HIGD1A: variants seen among roughly 807,000 people sequenced by gnomAD.
HIGD1A encodes HIG1 domain family member 1A, mitochondrial.
Under a neutral mutation model 11.3 loss-of-function variants are expected in HIGD1A, and 8 were observed. The ratio of observed to expected loss-of-function variants is 0.71; its 90% CI spans 0.42 to 1.28. The LOEUF (loss-of-function observed/expected upper bound fraction) is 1.28, where lower values mean the gene tolerates loss of function less well. HIGD1A is among the 50% of genes most tolerant of loss of function. HIGD1A has a pLI of 0.01. For synonymous variants in HIGD1A, 32 were observed against 38.4 expected (o/e 0.83, Z 0.62); for missense variants, 107 against 118.8 (o/e 0.90, Z 0.46).
intron 1 of HIGD1A, among the ~76,000 whole-genome samples, chr3:42,801,042 G>C (rs768374493): frequency 3.1e-4 from 47 of 152,054 alleles, no homozygotes; most frequent in Non-Finnish European, 5.1e-4. Flanking sequence ...CTACTGCTGA[G>C]GTCTGGGCTA....
In HIGD1A at chr3:42,786,018, A is replaced by G. The variant is rs897255915; in HGVS notation, c.232+10T>C. 1.7e-5 allele frequency: 28 copies of G among 1,611,748 alleles called. No individual in the cohort carries two copies. The highest frequency in any genetic ancestry group is 2.2e-5 in the Non-Finnish European group (26 of 1,179,822). Reference sequence around the variant, plus strand: ...GAAACGAAAATTTGAAATTTCCTATAGGAACCTACCAACAGTCATTGCTCC... The same window carrying G: ...GAAACGAAAATTTGAAATTTCCTATGGGAACCTACCAACAGTCATTGCTCC... On this transcript the variant is annotated intron_variant, in intron 3 of 3. Transcript: ENST00000321331.
chr3:42,789,789 A>G (rs1700397986), intron 2 of HIGD1A, among the ~76,000 whole-genome samples: 1 of 152,044 alleles, frequency 6.6e-6, no homozygotes, highest in Admixed American at 6.6e-5. Context: ...TGGCATGATC[A>G]TGGTTCACCA....
At chr3:42,787,299 G>GA (rs888827733) in intron 2 of HIGD1A, among the ~76,000 whole-genome samples, 4 of 150,824 alleles carry the variant, frequency 2.7e-5, no homozygotes, top group Non-Finnish European at 5.9e-5. Flanking sequence ...TCATAAGGAG[G>GA]AAAAAAAAAT....
In HIGD1A at chr3:42,802,897, T is replaced by C. The variant is rs536633195; in HGVS notation, c.-23+1539A>G. 3.9e-5 allele frequency among the ~76,000 whole-genome samples: 6 copies of C among 152,362 alleles called. No individual in the cohort carries two copies. The East Asian group carries it at 1.2e-3, about 29-fold the overall frequency. ...AGATTAAATTGGCAGATAAGAATTC[T>C]GATTAGAAAATTTAAGAATCCATTA... On this transcript the variant is annotated intron_variant, in intron 1 of 3. Transcript: ENST00000321331.
At chr3:42,800,636 C>CT (rs140588443) in intron 1 of HIGD1A, among the ~76,000 whole-genome samples, 74,838 of 150,208 alleles carry the variant, frequency 0.5, 19,193 homozygotes, top group Non-Finnish European at 0.54. Flanking sequence ...AGTTACAAAA[C>CT]TTTTTTTTTA....
Position 42,785,293 on chromosome 3 carries a change from A to C in HIGD1A, c.260T>G (p.Phe87Cys), listed in dbSNP as rs1245147812. 1 of 1,611,072 alleles carries C rather than the reference A, an allele frequency of 6.2e-7. No homozygotes were observed. Among genetic ancestry groups the C allele is most frequent in the Non-Finnish European group, 8.5e-7 (1 of 1,179,108 alleles). ...VGMGYSMYREFWAKPKP is the reference protein window; with the variant it reads ...VGMGYSMYRECWAKPKP ...CTTCTAAGGCTTAGGTTTTGCCCAGAATTCCCGATACATGGAATAGCCCAT... is the reference window on the plus strand; with the variant it reads ...CTTCTAAGGCTTAGGTTTTGCCCAGCATTCCCGATACATGGAATAGCCCAT... The change falls in exon 4 of 4, where the codon TTC becomes TGC. Residue 87 changes from phenylalanine (F) to cysteine (C), a missense_variant. Phe to Cys is a radical substitution (Grantham distance 205). Coordinates refer to ENST00000321331, the MANE Select transcript of HIGD1A (RefSeq NM_014056.4).
At chr3:42,792,397 G>A (rs1444519922) in intron 2 of HIGD1A, among the ~76,000 whole-genome samples, 1 of 152,124 alleles carries the variant, frequency 6.6e-6, no homozygotes, top group Non-Finnish European at 1.5e-5. Context: ...GTTTTGGCCG[G>A]GCGCGGTGGC....
rs556985732 is a variant in HIGD1A at position 42,783,825 on chromosome 3, T to C, written c.*1446A>G. 1.5e-4 allele frequency among the ~76,000 whole-genome samples: 23 copies of C among 151,764 alleles called. No individual in the cohort carries two copies. In the East Asian group the frequency reaches 4.3e-3, roughly 29 times the overall value. Reference sequence around the variant, plus strand: ...GCGTGGTGGCTCACGCCTGTAATCCTAGCACTTTGGGAGGCCGAGGCAGGT... The same window carrying C: ...GCGTGGTGGCTCACGCCTGTAATCCCAGCACTTTGGGAGGCCGAGGCAGGT... On this transcript the variant is annotated 3_prime_UTR_variant, in exon 4 of 4. Coordinates refer to ENST00000321331, the MANE Select transcript of HIGD1A (RefSeq NM_014056.4).
In HIGD1A at chr3:42,786,155, C is replaced by T. The variant is rs544533473; in HGVS notation, c.105G>A (p.Ala35=). Residue 35 remains alanine (A), a synonymous_variant, in exon 3 of 4, where the codon GCG becomes GCA. Coordinates refer to ENST00000321331, the MANE Select transcript of HIGD1A (RefSeq NM_014056.4). ...CATATGCAACAATTGCTGCAAAACCCGCTATTCCTGTAAAACAAAGTAACA... is the reference window on the plus strand; with the variant it reads ...CATATGCAACAATTGCTGCAAAACCTGCTATTCCTGTAAAACAAAGTAACA... ...KEAPFVPVGI[A]GFAAIVAYGL... is the part of the protein sequence containing the mutation. 36 of 1,614,022 alleles carry T rather than the reference C, an allele frequency of 2.2e-5. No individual in the cohort carries two copies. The highest frequency in any genetic ancestry group is 1.7e-4 in the African/African-American group (13 of 75,032).
At chr3:42,785,900 T>C (rs1337444382) in intron 3 of HIGD1A, 128 bp downstream of exon 3, 2 of 814,180 alleles carry the variant, frequency 2.5e-6, no homozygotes, top group Non-Finnish European at 4.0e-6. Context: ...ATTCATTTTT[T>C]ACATGAAAAT....
At chr3:42,795,898 A>C (rs1264891735) in intron 1 of HIGD1A, among the ~76,000 whole-genome samples, 1 of 152,230 alleles carries the variant, frequency 6.6e-6, no homozygotes. Flanking sequence ...GAATTGCAAT[A>C]AACTTTACTC....
intron 2 of HIGD1A, among the ~76,000 whole-genome samples, chr3:42,793,002 G>A (rs1305792928): frequency 5.4e-5 from 8 of 148,848 alleles, no homozygotes; most frequent in Non-Finnish European, 7.4e-5. Flanking sequence ...AAAAAAAGTC[G>A]AGTTTCGAAT....
rs35403872 is a variant in HIGD1A at position 42,795,723 on chromosome 3, G to GAA, written c.-22-1450_-22-1449dup. 1.6e-3 allele frequency among the ~76,000 whole-genome samples: 233 copies of GAA among 142,122 alleles called. 2 individuals carry two copies. Among genetic ancestry groups the GAA allele is most frequent in the East Asian group, 9.0e-3 (45 of 5,008 alleles). 93.2% of individuals were successfully genotyped at this position (142,122 alleles called of 152,430 possible). On this transcript the variant is annotated intron_variant, in intron 1 of 3. Coordinates refer to ENST00000321331, the MANE Select transcript of HIGD1A (RefSeq NM_014056.4). Reference sequence around the variant, plus strand: ...TGATAGTGTATGAGTAAGGGGATAGGAAAAAAAAAAAAAGGATTCATTTTC... The same window carrying GAA: ...TGATAGTGTATGAGTAAGGGGATAGGAAAAAAAAAAAAAAAGGATTCATTTTC...
At chr3:42,790,163 G>A (rs911853138) in intron 2 of HIGD1A, among the ~76,000 whole-genome samples, 12 of 152,128 alleles carry the variant, frequency 7.9e-5, no homozygotes, top group Non-Finnish European at 1.3e-4. Context: ...AAAACTATAC[G>A]CATAATTAGG....
chr3:42,788,348 A>G (rs1700377813), intron 2 of HIGD1A, among the ~76,000 whole-genome samples: 1 of 152,200 alleles, frequency 6.6e-6, no homozygotes, highest in African/African-American at 2.4e-5. Context: ...AATTTGATTC[A>G]AGAAGTTGTA....
At chr3:42,801,041 AG>A (rs1211183063) in intron 1 of HIGD1A, among the ~76,000 whole-genome samples, 1 of 152,044 alleles carries the variant, frequency 6.6e-6, no homozygotes, top group Non-Finnish European at 1.5e-5. Flanking sequence ...ACTACTGCTG[AG>A]GTCTGGGCTA....
At chr3:42,804,406 G>C in intron 1 of HIGD1A, 30 bp downstream of exon 1, 2 of 516,050 alleles carry the variant, frequency 3.9e-6, no homozygotes, top group East Asian at 6.8e-5. Flanking sequence ...CGAGTCCCTG[G>C]CTCGCAGTCC....
chr3:42,791,751 A>G (rs1700424063), intron 2 of HIGD1A, among the ~76,000 whole-genome samples: 3 of 151,448 alleles, frequency 2.0e-5, no homozygotes, highest in African/African-American at 7.3e-5. Flanking sequence ...AGAAAATTTT[A>G]TATTTGTATC....
intron 1 of HIGD1A, among the ~76,000 whole-genome samples, chr3:42,802,723 T>C (rs1700582167): frequency 6.6e-6 from 1 of 151,946 alleles, no homozygotes; most frequent in Admixed American, 6.6e-5. Context: ...GGGGAAAGGG[T>C]TGTGAGAGGG....
Sources: gnomAD v4.1 joint callset for allele counts (sites outside exome capture counted in the v4.1 genomes callset) on GRCh38, gnomAD v4.1.1 for gene constraint, MANE v1.5 for transcripts, NCBI Gene and HGNC (gene_info 2026-07-23, HGNC 2026-07-21) for gene names.